HSPA4L: variants seen among roughly 807,000 people sequenced by gnomAD.
HSPA4L encodes heat shock 70 kDa protein 4L.
A neutral mutation model predicts 100.3 loss-of-function variants in HSPA4L; 48 were observed. That is an observed-to-expected ratio of 0.48 (90% CI 0.38 to 0.61). The LOEUF is 0.61. HSPA4L is among the 20% of genes least tolerant of loss of function. The pLI is 0.00. For missense variants in HSPA4L, 886 were observed against 988.6 expected, an observed-to-expected ratio of 0.90 and a Z score of 1.39; for synonymous variants, 319 against 328.2, an observed-to-expected ratio of 0.97 and a Z score of 0.30.
At chr4:127,811,010 T>C (rs1733511313) in intron 11 of HSPA4L, among the ~76,000 whole-genome samples, 1 of 152,146 alleles carries the variant, frequency 6.6e-6, no homozygotes, top group Non-Finnish European at 1.5e-5. Context: ...TGGAATTGCT[T>C]TATTTATGAA....
chr4:127,783,011 A>C (rs1288125971), intron 1 of HSPA4L, among the ~76,000 whole-genome samples: 3 of 152,174 alleles, frequency 2.0e-5, no homozygotes, highest in Non-Finnish European at 4.4e-5. Context: ...ATATTGAGAA[A>C]GATCTCCGGT....
chr4:127,797,624 C>G (rs866021910), intron 3 of HSPA4L, among the ~76,000 whole-genome samples: 3 of 132,222 alleles, frequency 2.3e-5, no homozygotes, highest in African/African-American at 9.0e-5. Flanking sequence ...TTTTTTGAGA[C>G]GGAGTCTTGC....
chr4:127,824,041 A>AT (rs1205236764), intron 16 of HSPA4L, among the ~76,000 whole-genome samples: 1 of 152,170 alleles, frequency 6.6e-6, no homozygotes, highest in Non-Finnish European at 1.5e-5. Context: ...CAATTCTACT[A>AT]TCTGATTCTA....
At chr4:127,783,769 T>C in intron 1 of HSPA4L, 2 of 1,136,778 alleles carry the variant, frequency 1.8e-6, no homozygotes, top group South Asian at 1.4e-5. Context: ...CCAATGGTCT[T>C]TAAATGCCTC....
At chr4:127,811,409 T>A in intron 11 of HSPA4L, 28 bp from the exon 12 acceptor site, 1 of 1,553,828 alleles carries the variant, frequency 6.4e-7, no homozygotes, top group South Asian at 1.1e-5. Flanking sequence ...GAGGCTCACA[T>A]ACTGATTGGA....
In HSPA4L at chr4:127,832,855, G is replaced by A; in HGVS notation, c.2501G>A (p.Gly834Glu). The change falls in exon 19 of 19, where the codon GGA becomes GAA. Residue 834 changes from glycine (G) to glutamate (E), a missense_variant. Coordinates refer to ENST00000296464, the MANE Select transcript of HSPA4L (RefSeq NM_014278.4). ...AGCTCACAGCATACTAAATCCTCTG[G>A]AGAGATGGAAGTGGACTAAGTCTTA... ...KDSSQHTKSS[G>E]EMEVD The A allele has an allele frequency of 6.2e-7, 1 of 1,604,790 alleles. No individual in the cohort carries two copies. Among genetic ancestry groups the A allele is most frequent in the Non-Finnish European group, 8.5e-7 (1 of 1,176,084 alleles).
intron 3 of HSPA4L, 123 bp downstream of exon 3, chr4:127,796,031 A>G (rs1427325577): frequency 3.8e-6 from 3 of 784,132 alleles, no homozygotes; most frequent in Non-Finnish European, 5.8e-6. Context: ...CCGAAGAGAT[A>G]GTAGTTTTTG....
At chr4:127,803,480 C>T in intron 6 of HSPA4L, 149 bp from the exon 7 acceptor site, 8 of 640,944 alleles carry the variant, frequency 1.2e-5, no homozygotes, top group Non-Finnish European at 2.0e-5. Flanking sequence ...GATAATTTAA[C>T]TCTGATTCCA....
At chr4:127,830,452 T>C (rs1008722683) in intron 17 of HSPA4L, among the ~76,000 whole-genome samples, 186 bp from the exon 18 acceptor site, 2 of 152,196 alleles carry the variant, frequency 1.3e-5, no homozygotes, top group Non-Finnish European at 2.9e-5. Context: ...CTTTTTAAAC[T>C]CACACTGATC....
chr4:127,817,230 T>C (rs1733691088), intron 12 of HSPA4L, among the ~76,000 whole-genome samples: 1 of 152,154 alleles, frequency 6.6e-6, no homozygotes, highest in Admixed American at 6.5e-5. Context: ...CATGCCTGGC[T>C]AATTTTTGTA....
chr4:127,820,951 A>AT (rs915585620), intron 14 of HSPA4L, among the ~76,000 whole-genome samples: 6 of 152,048 alleles, frequency 3.9e-5, no homozygotes, highest in Middle Eastern at 3.2e-3. Flanking sequence ...TCCATTAAAT[A>AT]TTTTTTTAAA....
chr4:127,791,799 C>T (rs1374140779), intron 1 of HSPA4L, among the ~76,000 whole-genome samples: 1 of 152,194 alleles, frequency 6.6e-6, no homozygotes, highest in Non-Finnish European at 1.5e-5. Context: ...TGACTCTCCT[C>T]CTCTAGGTTA....
At chr4:127,812,895 T>C in intron 12 of HSPA4L, 1 of 905,050 alleles carries the variant, frequency 1.1e-6, no homozygotes, top group Non-Finnish European at 1.8e-6. Context: ...GGAAGCTATC[T>C]CGGCTCTTAG....
Position 127,804,094 on chromosome 4 carries a change from G to A in HSPA4L, c.985+7G>A. The A allele has an allele frequency of 1.2e-6, 2 of 1,604,844 alleles. No homozygotes were observed. Among genetic ancestry groups the A allele is most frequent in the Non-Finnish European group, 1.7e-6 (2 of 1,171,724 alleles). ...GCAGTAATGGAACAAGCTAGTAAGT[G>A]GAAATTACTGGACTATCAAAACTGT... On this transcript the variant is annotated splice_region_variant and intron_variant, in intron 8 of 18. Coordinates refer to ENST00000296464, the MANE Select transcript of HSPA4L (RefSeq NM_014278.4).
intron 17 of HSPA4L, 130 bp from the exon 18 acceptor site, chr4:127,830,508 G>A (rs1287276173): frequency 5.1e-6 from 3 of 583,872 alleles, no homozygotes; most frequent in South Asian, 3.0e-5. Flanking sequence ...TTCGTATGGG[G>A]TTTCTTCAGA....
rs1734116381 is a variant in HSPA4L at position 127,832,745 on chromosome 4, A to C, written c.2391A>C (p.Glu797Asp). The change falls in exon 19 of 19, where the codon GAA becomes GAC. Residue 797 changes from glutamate to aspartate, a missense_variant. Coordinates refer to ENST00000296464, the MANE Select transcript of HSPA4L (RefSeq NM_014278.4). Reference sequence around the variant, plus strand: ...CCAAACCAAAAGCAGAAGTTCCTGAAGACAAACCAAAAGCTAATAGTGAAC... The same window carrying C: ...CCAAACCAAAAGCAGAAGTTCCTGACGACAAACCAAAAGCTAATAGTGAAC... ...YKPKPKAEVPEDKPKANSEHN... is the reference protein window; with the variant it reads ...YKPKPKAEVPDDKPKANSEHN... The C allele has an allele frequency of 5.6e-6, 9 of 1,613,516 alleles. No homozygotes were observed. The Middle Eastern group carries it at 8.2e-4, about 147-fold the overall frequency.
In HSPA4L at chr4:127,813,048, T is replaced by C. The variant is rs552066969; in HGVS notation, c.1578+1412T>C. 9.1e-6 allele frequency: 9 copies of C among 987,532 alleles called. No individual in the cohort carries two copies. The African/African-American group carries it at 1.3e-4, about 14-fold the overall frequency. The allele number at this position is 987,532 out of a possible 1,614,324, so 61.2% of individuals were successfully genotyped here. On this transcript the variant is annotated intron_variant, in intron 12 of 18. Coordinates refer to ENST00000296464, the MANE Select transcript of HSPA4L (RefSeq NM_014278.4). The stretch of plus-strand genomic sequence containing the variant: ...TGCCATGGTAACACTTGTGGGGCAT[T>C]CCTTTTTGAACAGTACCCGTTCCCT...
intron 16 of HSPA4L, 29 bp downstream of exon 16, chr4:127,823,653 T>A (rs544649370): frequency 7.2e-7 from 1 of 1,394,432 alleles, no homozygotes; most frequent in African/African-American, 1.4e-5. Flanking sequence ...CATGTTAGTA[T>A]AAACCAGTAA....
chr4:127,817,749 AGTATT>A (rs373269397), intron 12 of HSPA4L, among the ~76,000 whole-genome samples: 4 of 152,298 alleles, frequency 2.6e-5, no homozygotes, highest in African/African-American at 4.8e-5. Flanking sequence ...TTAAAGATAT[AGTATT>A]GTATTTGTGT....
Sources: allele counts gnomAD v4.1 joint callset (sites outside exome capture counted in the v4.1 genomes callset), GRCh38; gene constraint gnomAD v4.1.1; transcripts MANE v1.5; gene names NCBI Gene and HGNC (gene_info 2026-07-23, HGNC 2026-07-21).